Variants in PDE8B observed in about 807,000 individuals in gnomAD.
The protein encoded by PDE8B is high affinity cAMP-specific and IBMX-insensitive 3',5'-cyclic phosphodiesterase 8B.
Under a neutral mutation model 101.3 loss-of-function variants are expected in PDE8B, and 26 were observed. That is an observed-to-expected ratio of 0.26 (90% CI 0.19 to 0.36). The LOEUF (loss-of-function observed/expected upper bound fraction) is 0.36. PDE8B is among the 10% of genes least tolerant of loss of function. PDE8B has a pLI of 1.00. For missense variants in PDE8B, 810 were observed against 1,163.1 expected, an observed-to-expected ratio of 0.70 and a Z score of 4.42; for synonymous variants, 424 against 429.3, an observed-to-expected ratio of 0.99 and a Z score of 0.15.
At chr5:77,341,222 G>A (rs2150365295) in intron 6 of PDE8B, among the ~76,000 whole-genome samples, 1 of 152,278 alleles carries the variant, frequency 6.6e-6, no homozygotes, top group Admixed American at 6.5e-5. Context: ...AAGAGGTTGA[G>A]AGCCTGAATA....
chr5:77,130,390 A>G, the PDE8B span, among the ~76,000 whole-genome samples: 1 of 152,178 alleles, frequency 6.6e-6, no homozygotes, highest in Non-Finnish European at 1.5e-5. Context: ...CCTGGGAGTC[A>G]GATAAATGCC....
intron 3 of PDE8B, among the ~76,000 whole-genome samples, chr5:77,327,468 A>C (rs1333602465): frequency 5.3e-5 from 8 of 152,058 alleles, no homozygotes; most frequent in Non-Finnish European, 1.0e-4. Flanking sequence ...CTTGCCTAAA[A>C]CCCACGCCTT....
At chr5:77,298,776 C>T (rs147726581) in intron 1 of PDE8B, among the ~76,000 whole-genome samples, 180 of 152,284 alleles carry the variant, frequency 1.2e-3, no homozygotes, top group African/African-American at 3.8e-3. Context: ...GCCTCAGCTC[C>T]GTGAATTGGT....
chr5:77,166,281 A>C, the PDE8B span, among the ~76,000 whole-genome samples: 1 of 151,846 alleles, frequency 6.6e-6, no homozygotes, highest in Non-Finnish European at 1.5e-5. Flanking sequence ...TCTGTGGTCA[A>C]AGAAACACAT....
At chr5:77,143,365 A>T in the PDE8B span, among the ~76,000 whole-genome samples, 1 of 152,230 alleles carries the variant, frequency 6.6e-6, no homozygotes, top group Non-Finnish European at 1.5e-5. Context: ...CAAATAATTG[A>T]TCTACAAAGA....
chr5:77,414,319 T>C (rs1406486726), intron 17 of PDE8B, among the ~76,000 whole-genome samples: 2 of 152,272 alleles, frequency 1.3e-5, no homozygotes, highest in Admixed American at 6.5e-5. Flanking sequence ...CTTCTACTTT[T>C]AGAAAACTAA....
chr5:77,193,326 T>C, the PDE8B span, among the ~76,000 whole-genome samples: 1 of 152,214 alleles, frequency 6.6e-6, no homozygotes, highest in East Asian at 1.9e-4. Context: ...TTCAAGTTAA[T>C]ATTCATGTAT....
chr5:77,192,187 T>C, the PDE8B span, among the ~76,000 whole-genome samples: 28 of 152,194 alleles, frequency 1.8e-4, no homozygotes, highest in Non-Finnish European at 3.5e-4. Context: ...GGCCCAGGGG[T>C]TGGGGACTCC....
At chr5:77,400,128 G>A in intron 10 of PDE8B, 120 bp from the exon 11 acceptor site, 1 of 745,846 alleles carries the variant, frequency 1.3e-6, no homozygotes, top group South Asian at 1.5e-5. Context: ...TATTATATGT[G>A]CAGCTTCTTG....
chr5:77,349,570 C>T lies in PDE8B; in HGVS notation c.1017+11C>T. 3 of 1,614,082 alleles carry T rather than the reference C, an allele frequency of 1.9e-6. No homozygotes were observed. The highest frequency in any genetic ancestry group is 2.5e-6 in the Non-Finnish European group (3 of 1,179,950). On this transcript the variant is annotated intron_variant, in intron 8 of 21. Coordinates refer to ENST00000264917, the MANE Select transcript of PDE8B (RefSeq NM_003719.5). ...ATCAAGAAGGGAAAGGTGGGTTACA[C>T]CAGCAAAACCAATCCACGAACCCTC...
At chr5:77,425,685 C>A in intron 20 of PDE8B, 82 bp from the exon 21 acceptor site, 1 of 1,420,282 alleles carries the variant, frequency 7.0e-7, no homozygotes, top group Non-Finnish European at 1.0e-6. Flanking sequence ...CCCATTTTCA[C>A]AGGGTTGTTC....
At chr5:77,157,302 G>A in the PDE8B span, among the ~76,000 whole-genome samples, 1 of 152,180 alleles carries the variant, frequency 6.6e-6, no homozygotes, top group African/African-American at 2.4e-5. Flanking sequence ...TATTTGCTAG[G>A]TTGAGACACA....
the PDE8B span, among the ~76,000 whole-genome samples, chr5:77,168,365 C>T: frequency 1.4e-4 from 22 of 152,320 alleles, no homozygotes; most frequent in African/African-American, 4.6e-4. Flanking sequence ...CGAGGCTGCA[C>T]GGCAGCCCTG....
the PDE8B span, chr5:77,105,350 T>A: frequency 4.6e-5 from 7 of 152,214 alleles, no homozygotes; most frequent in African/African-American, 1.4e-4. Flanking sequence ...TTCAGTACAT[T>A]GCTTAATAAA....
At chr5:77,426,079 T>C (rs1489847805) in intron 21 of PDE8B, 183 bp downstream of exon 21, 3 of 663,370 alleles carry the variant, frequency 4.5e-6, no homozygotes, top group Non-Finnish European at 8.1e-6. Flanking sequence ...CACAGAAGCT[T>C]GTGTGCAGAA....
In PDE8B at chr5:77,211,073, G is replaced by A. The variant is rs1748210197; in HGVS notation, c.148G>A (p.Ala50Thr). 6.6e-7 allele frequency: 1 copy of A among 1,506,852 alleles called. No homozygotes were observed. The highest frequency in any genetic ancestry group is 8.8e-7 in the Non-Finnish European group (1 of 1,135,970). 93.3% of individuals were successfully genotyped at this position (1,506,852 alleles called of 1,614,324 possible). Residue 50 changes from alanine to threonine, a missense_variant, in exon 1 of 22, where the codon GCC (alanine) becomes ACC (threonine). Physicochemically the swap from Ala to Thr is moderately conservative, Grantham distance 58 (BLOSUM62 0). This residue lies in a region of PDE8B where 159 missense variants were observed against 146.6 expected (regional missense o/e 1.08). Coordinates refer to ENST00000264917, the MANE Select transcript of PDE8B (RefSeq NM_003719.5). This position sits in a 1 kb window ranked among gnomAD's most constrained non-coding sequence, Gnocchi z 4.1. Reference protein sequence around the residue: ...LPGLFVQTDAADAIPPSRASG... With the variant: ...LPGLFVQTDATDAIPPSRASG... ...CGGCCTCTTCGTCCAGACCGACGCC[G>A]CCGACGCCATCCCCCCGAGCCGCGC...
the PDE8B span, among the ~76,000 whole-genome samples, chr5:77,096,528 A>C: frequency 6.6e-6 from 1 of 152,180 alleles, no homozygotes; most frequent in Admixed American, 6.5e-5. Flanking sequence ...ACATGGCAGA[A>C]GGCAAGGGGT....
In PDE8B at chr5:77,385,795, GT is replaced by G. The variant is rs35717428; in HGVS notation, c.1168-14433del. Among the ~76,000 whole-genome samples the G allele has an allele frequency of 9.5e-3, 1,030 of 107,954 alleles. 9 individuals are homozygous for G. Among genetic ancestry groups the G allele is most frequent in the African/African-American group, 0.033 (873 of 26,520 alleles). 70.8% of individuals were successfully genotyped at this position (107,954 alleles called of 152,430 possible). A position where few individuals can be genotyped will look rare whatever the true frequency, so the allele number is the denominator to read the frequency against. ...AGTTGTGCGGTTTTGAGTGAGTGAG[GT>G]TTTTTTTTTTTTTTTTTTTGAGATG... On this transcript the variant is annotated intron_variant, in intron 10 of 21. Coordinates refer to ENST00000264917, the MANE Select transcript of PDE8B (RefSeq NM_003719.5).
chr5:77,380,804 A>G (rs1353094762), intron 10 of PDE8B, among the ~76,000 whole-genome samples: 6 of 152,238 alleles, frequency 3.9e-5, no homozygotes, highest in Admixed American at 6.5e-5. Context: ...GGGAAAGTCC[A>G]TTGATAGCAT....
Sources: allele counts gnomAD v4.1 joint callset (sites outside exome capture counted in the v4.1 genomes callset), GRCh38; gene constraint gnomAD v4.1.1; regional missense constraint gnomAD v4.1.1; non-coding constraint Gnocchi (gnomAD v3.1); transcripts MANE v1.5; gene names NCBI Gene and HGNC (gene_info 2026-07-23, HGNC 2026-07-21).